ERCC8: variants seen among roughly 807,000 people sequenced by gnomAD.
ERCC8 encodes the protein ERCC excision repair 8, CSA ubiquitin ligase complex subunit, also known as DNA excision repair protein ERCC-8.
ERCC8 carries 52 observed loss-of-function variants against 54.9 expected under a neutral mutation model. The observed-to-expected ratio is 0.95, with a 90% CI of 0.76 to 1.19. ERCC8 has a LOEUF of 1.19. Ranked by LOEUF, ERCC8 falls within the 50% of genes most tolerant of loss-of-function variation. ERCC8 has a pLI of 0.00. For missense variants in ERCC8, 514 were observed against 466.1 expected, an observed-to-expected ratio of 1.10 and a Z score of -0.95; for synonymous variants, 146 against 157.2, an observed-to-expected ratio of 0.93 and a Z score of 0.53.
At chr5:60,895,784 T>C (rs1366686269) in intron 9 of ERCC8, among the ~76,000 whole-genome samples, 1 of 152,224 alleles carries the variant, frequency 6.6e-6, no homozygotes, top group Non-Finnish European at 1.5e-5. Flanking sequence ...TAGACTGTGA[T>C]GGCCTTATTC....
chr5:60,907,056 A>T (rs1372346601), intron 4 of ERCC8, among the ~76,000 whole-genome samples: 3 of 152,188 alleles, frequency 2.0e-5, no homozygotes, highest in Non-Finnish European at 4.4e-5. Flanking sequence ...AAAATCTTAT[A>T]ATTAGGGCAG....
chr5:60,905,588 G>A (rs1749048556), intron 4 of ERCC8, among the ~76,000 whole-genome samples: 1 of 152,198 alleles, frequency 6.6e-6, no homozygotes, highest in African/African-American at 2.4e-5. Context: ...TTAAAAGTCA[G>A]ATGGTAAATA....
Position 60,945,015 on chromosome 5 carries a change from T to C in ERCC8, c.-7A>G, listed in dbSNP as rs754503105. The C allele has an allele frequency of 1.7e-5, 27 of 1,612,904 alleles. No homozygotes were observed. Among genetic ancestry groups the C allele is most frequent in the Non-Finnish European group, 2.3e-5 (27 of 1,178,908 alleles). On this transcript the variant is annotated 5_prime_UTR_variant, in exon 1 of 12. Transcript: ENST00000676185. ...CGGACAAAAACCCCAGCATATCGTGTCCTCACACCGGCTGGAGCACTGGAC... is the reference window on the plus strand; with the variant it reads ...CGGACAAAAACCCCAGCATATCGTGCCCTCACACCGGCTGGAGCACTGGAC...
chr5:60,911,043 G>T (rs1322162115), intron 4 of ERCC8, among the ~76,000 whole-genome samples: 2 of 152,052 alleles, frequency 1.3e-5, no homozygotes, highest in South Asian at 2.1e-4. Flanking sequence ...AGTATGCAGA[G>T]AATTTTATTT....
intron 4 of ERCC8, among the ~76,000 whole-genome samples, chr5:60,908,763 G>A (rs541835450): frequency 6.6e-6 from 1 of 151,972 alleles, no homozygotes; most frequent in African/African-American, 2.4e-5. Flanking sequence ...TGCAGCTGTG[G>A]TTGCCCACCA....
Position 60,874,605 on chromosome 5 carries a change from A to C in ERCC8, c.*10T>G. 1 of 1,612,862 alleles carries C rather than the reference A, an allele frequency of 6.2e-7. No homozygotes were observed. Among genetic ancestry groups the C allele is most frequent in the Non-Finnish European group, 8.5e-7 (1 of 1,179,114 alleles). The stretch of plus-strand genomic sequence containing the variant: ...TTTCAGCAGAGACAAAAAGGTACTA[A>C]AGATGATATTCATCCTTCTTCATCA... On this transcript the variant is annotated 3_prime_UTR_variant, in exon 12 of 12. Coordinates refer to ENST00000676185, the MANE Select transcript of ERCC8 (RefSeq NM_000082.4).
chr5:60,918,095 T>C lies in ERCC8; in HGVS notation c.399+170A>G, dbSNP rs914247994. 12 of 611,610 alleles carry C rather than the reference T, an allele frequency of 2.0e-5. No homozygotes were observed. In the Admixed American group the frequency reaches 2.7e-4, roughly 14 times the overall value. The allele number at this position is 611,610 out of a possible 1,614,324, so 37.9% of individuals were successfully genotyped here. Reference sequence around the variant, plus strand: ...ACATTTGCCCAATGTCATACAGCTGTCAGCAGCACAGCCAGGATATGAACT... The same window carrying C: ...ACATTTGCCCAATGTCATACAGCTGCCAGCAGCACAGCCAGGATATGAACT... On this transcript the variant is annotated intron_variant, in intron 4 of 11. Coordinates refer to ENST00000676185, the MANE Select transcript of ERCC8 (RefSeq NM_000082.4).
chr5:60,870,408 G>C lies in ERCC8; in HGVS notation c.*4207C>G, dbSNP rs1747836506. On this transcript the variant is annotated 3_prime_UTR_variant, in exon 12 of 12. Coordinates refer to ENST00000676185, the MANE Select transcript of ERCC8 (RefSeq NM_000082.4). ...CCTGTAAATCCCAGCACTTTGGGAG[G>C]CCGAGGCTGGTGGATCACTAGAGCC... Among the ~76,000 whole-genome samples the C allele has an allele frequency of 6.7e-6, 1 of 149,670 alleles. No homozygotes were observed. The highest frequency in any genetic ancestry group is 6.7e-5 in the Admixed American group (1 of 14,872).
At chr5:60,939,598 C>T (rs979141540) in intron 1 of ERCC8, among the ~76,000 whole-genome samples, 7 of 152,044 alleles carry the variant, frequency 4.6e-5, no homozygotes, top group Non-Finnish European at 8.8e-5. Flanking sequence ...GATCCTCGTG[C>T]CTCAGCCACG....
chr5:60,918,703 G>A, intron 3 of ERCC8: 1 of 349,836 alleles, frequency 2.9e-6, no homozygotes, highest in Non-Finnish European at 5.5e-6. Context: ...AGAGTGATTT[G>A]GTCTTACTGG....
At chr5:60,882,468 C>T (rs900994900) in intron 11 of ERCC8, among the ~76,000 whole-genome samples, 2 of 152,164 alleles carry the variant, frequency 1.3e-5, no homozygotes, top group African/African-American at 4.8e-5. Flanking sequence ...GATCTTGGCT[C>T]TCTGCAACCT....
chr5:60,915,271 G>A (rs1445527719), intron 4 of ERCC8: 2 of 152,058 alleles, frequency 1.3e-5, no homozygotes, highest in African/African-American at 2.4e-5. Context: ...AAGCTTGGAA[G>A]TTTCTGTTTT....
chr5:60,886,543 A>C (rs1281795395), intron 11 of ERCC8, among the ~76,000 whole-genome samples: 5 of 151,962 alleles, frequency 3.3e-5, no homozygotes, highest in African/African-American at 1.2e-4. Context: ...CTCTACTAAA[A>C]ATACAAAAAT....
intron 1 of ERCC8, among the ~76,000 whole-genome samples, chr5:60,931,955 C>T (rs1349934966): frequency 1.3e-5 from 2 of 152,156 alleles, no homozygotes; most frequent in Non-Finnish European, 2.9e-5. Context: ...ACCATCCCCT[C>T]CCCCAACAGC....
chr5:60,898,378 T>A lies in ERCC8; in HGVS notation c.741A>T (p.Lys247Asn), dbSNP rs762701301. ...VESANTAHNG[K>N]VNGLCFTSDG... ...CACTTGTAAAACATAAGCCATTAAC[T>A]TTCCCATTATGAGCAGTGTTTGCTG... Residue 247 changes from lysine (K) to asparagine (N), a missense_variant, in exon 9 of 12, where the codon AAA becomes AAT. Lys to Asn is a moderately conservative substitution (Grantham distance 94). Transcript: ENST00000676185. 1 of 1,613,622 alleles carries A rather than the reference T, an allele frequency of 6.2e-7. No homozygotes were observed. Among genetic ancestry groups the A allele is most frequent in the Non-Finnish European group, 8.5e-7 (1 of 1,179,638 alleles).
intron 1 of ERCC8, among the ~76,000 whole-genome samples, chr5:60,939,271 T>C (rs1479677520): frequency 2.0e-5 from 3 of 152,238 alleles, no homozygotes; most frequent in Non-Finnish European, 4.4e-5. Flanking sequence ...CATTTAATCA[T>C]ACACATACTG....
At chr5:60,938,314 C>A (rs1440999901) in intron 1 of ERCC8, among the ~76,000 whole-genome samples, 4 of 148,088 alleles carry the variant, frequency 2.7e-5, no homozygotes, top group African/African-American at 9.9e-5. Flanking sequence ...ACCTTATGAT[C>A]AAAGAATGTG....
intron 11 of ERCC8, among the ~76,000 whole-genome samples, chr5:60,886,678 G>A (rs374740906): frequency 1.6e-4 from 23 of 144,760 alleles, no homozygotes; most frequent in Middle Eastern, 7.4e-3. Context: ...CTCCAGCCTG[G>A]GCGACAGATT....
chr5:60,920,110 G>A (rs1447132317), intron 3 of ERCC8, among the ~76,000 whole-genome samples: 2 of 151,908 alleles, frequency 1.3e-5, no homozygotes, highest in Non-Finnish European at 2.9e-5. Flanking sequence ...CTGCGTTGGT[G>A]ACATATAGCA....
Sources: gnomAD v4.1 joint callset for allele counts (sites outside exome capture counted in the v4.1 genomes callset) on GRCh38, gnomAD v4.1.1 for gene constraint, MANE v1.5 for transcripts, NCBI Gene and HGNC (gene_info 2026-07-23, HGNC 2026-07-21) for gene names.